NCKAP5: variants seen among roughly 807,000 people sequenced by gnomAD.
NCKAP5 encodes nck-associated protein 5.
In NCKAP5, 92 loss-of-function variants were observed where a neutral mutation model predicts 167.0. That is an observed-to-expected ratio of 0.55 (90% confidence interval 0.47 to 0.66). The LOEUF is 0.66. Ranked by LOEUF, NCKAP5 falls within the 30% of genes least tolerant of loss-of-function variation. The probability of loss-of-function intolerance (pLI) is 0.00; values close to 1 mark genes in which losing one functional copy is unlikely to be tolerated. For synonymous variants in NCKAP5, 891 were observed against 877.4 expected, an observed-to-expected ratio of 1.02 and a Z score of -0.27; for missense variants, 2,378 against 2,315.0, an observed-to-expected ratio of 1.03 and a Z score of -0.56.
intron 8 of NCKAP5, among the ~76,000 whole-genome samples, chr2:132,879,169 A>C (rs1489893289): frequency 6.6e-6 from 1 of 152,208 alleles, no homozygotes; most frequent in East Asian, 1.9e-4. Context: ...AGAAAATCAA[A>C]TCATGGTTTG....
chr2:133,588,354 C>T, the NCKAP5 span, among the ~76,000 whole-genome samples: 509 of 136,196 alleles, frequency 3.7e-3, 7 homozygotes, highest in African/African-American at 0.013. Context: ...CCCTTCCTTC[C>T]TCCCTTCCCT....
intron 5 of NCKAP5, among the ~76,000 whole-genome samples, chr2:133,200,048 T>C (rs1307858694): frequency 1.5e-5 from 2 of 135,576 alleles, no homozygotes; most frequent in Non-Finnish European, 3.2e-5. Context: ...CCCAGTTGGC[T>C]TTTTTTTTCT....
chr2:133,206,069 G>C (rs2085938786), intron 5 of NCKAP5, among the ~76,000 whole-genome samples: 1 of 152,092 alleles, frequency 6.6e-6, no homozygotes, highest in South Asian at 2.1e-4. Context: ...AGGATCAGAA[G>C]TACAACAATA....
chr2:133,187,306 C>A (rs761465560), intron 5 of NCKAP5, among the ~76,000 whole-genome samples: 1 of 152,000 alleles, frequency 6.6e-6, no homozygotes, highest in Non-Finnish European at 1.5e-5. Flanking sequence ...GTACTGTGTT[C>A]TGAGAGTGAG....
At chr2:132,777,159 T>A (rs1214543557) in intron 15 of NCKAP5, among the ~76,000 whole-genome samples, 1 of 152,220 alleles carries the variant, frequency 6.6e-6, no homozygotes, top group East Asian at 1.9e-4. Flanking sequence ...TGTCTTCTAA[T>A]GATTTATCTC....
rs112270867 is a variant in NCKAP5 at position 133,564,708 on chromosome 2, G to A, written c.-130+3508C>T. On this transcript the variant is annotated intron_variant, in intron 1 of 19. Transcript: ENST00000409261. ...AAGGATTTCAGAATGCAGGACCGCA[G>A]TCTTCTCTCTTAAGTAGGGAGGGAG... 1.8e-3 allele frequency among the ~76,000 whole-genome samples: 280 copies of A among 152,262 alleles called. 2 individuals are homozygous for A. Among genetic ancestry groups the A allele is most frequent in the African/African-American group, 6.5e-3 (268 of 41,532 alleles).
Position 132,781,172 on chromosome 2 carries a change from C to A in NCKAP5, c.4929G>T (p.Arg1643Ser). 3 of 1,613,838 alleles carry A rather than the reference C, an allele frequency of 1.9e-6. No individual in the cohort carries two copies. The highest frequency in any genetic ancestry group is 2.2e-5 in the East Asian group (1 of 44,870). The change falls in exon 15 of 20, where the codon AGG becomes AGT. Residue 1643 changes from arginine (R) to serine (S), a missense_variant. Around this residue, in one of 3 missense-constraint regions of NCKAP5, gnomAD observed 1,325 missense variants for 1,274.5 expected, o/e 1.04. Transcript: ENST00000409261. The stretch of plus-strand genomic sequence containing the variant: ...CCTGAGAACTGCCCTTTAACACATT[C>A]CTGCAGGAAGCATTACTTGATCCAC... ...TESGSSNASC[R>S]NVLKGSSQGS...
intron 6 of NCKAP5, among the ~76,000 whole-genome samples, chr2:133,080,487 A>T (rs2080764718): frequency 6.6e-6 from 1 of 152,202 alleles, no homozygotes; most frequent in African/African-American, 2.4e-5. Flanking sequence ...ATTGGAACAC[A>T]GCCAACCCGT....
rs537499131 is a variant in NCKAP5 at position 132,936,275 on chromosome 2, C to A, written c.579+27445G>T. Among the ~76,000 whole-genome samples, 3 of 152,260 alleles carry A rather than the reference C, an allele frequency of 2.0e-5. No homozygotes were observed. In the East Asian group the frequency reaches 5.8e-4, roughly 29 times the overall value. On this transcript the variant is annotated intron_variant, in intron 8 of 19. Transcript: ENST00000409261. Reference sequence around the variant, plus strand: ...GAGATTACAGGCATGAGCCACTGCACCCAGACTGGAATATTTTCTATATAA... The same window carrying A: ...GAGATTACAGGCATGAGCCACTGCAACCAGACTGGAATATTTTCTATATAA...
At chr2:132,726,693 T>C (rs1278542069) in intron 18 of NCKAP5, among the ~76,000 whole-genome samples, 1 of 152,226 alleles carries the variant, frequency 6.6e-6, no homozygotes, top group East Asian at 1.9e-4. Context: ...GTAAACTCGC[T>C]TATCTGGGGT....
At chr2:132,806,436 C>T (rs1205143624) in intron 11 of NCKAP5, among the ~76,000 whole-genome samples, 1 of 151,572 alleles carries the variant, frequency 6.6e-6, no homozygotes, top group African/African-American at 2.4e-5. Context: ...TCTGACATCT[C>T]CTGTTTTTTT....
At chr2:132,812,706 T>A (rs1019653945) in intron 11 of NCKAP5, among the ~76,000 whole-genome samples, 2 of 152,190 alleles carry the variant, frequency 1.3e-5, no homozygotes, top group Admixed American at 1.3e-4. Context: ...GGGGGCTGTC[T>A]TAGTCTTTTC....
At chr2:132,972,964 G>A (rs996320833) in intron 7 of NCKAP5, among the ~76,000 whole-genome samples, 1 of 151,986 alleles carries the variant, frequency 6.6e-6, no homozygotes, top group Non-Finnish European at 1.5e-5. Context: ...CCCAAATGAG[G>A]TAGAAAAGTG....
chr2:133,301,010 G>A (rs1680352446), intron 4 of NCKAP5, among the ~76,000 whole-genome samples: 1 of 100,800 alleles, frequency 9.9e-6, no homozygotes, highest in Admixed American at 1.1e-4. Context: ...GCCAAAGCAT[G>A]GGTGAACTCC....
chr2:132,808,284 G>A (rs962061235), intron 11 of NCKAP5, among the ~76,000 whole-genome samples: 4 of 152,080 alleles, frequency 2.6e-5, no homozygotes, highest in Non-Finnish European at 4.4e-5. Context: ...TAATGAATTA[G>A]GGAAGGTTCC....
Position 132,785,226 on chromosome 2 carries a change from AAAC to A in NCKAP5, c.1582_1584del (p.Val528del). 6.4e-7 allele frequency: 1 copy of A among 1,572,202 alleles called. No homozygotes were observed. Among genetic ancestry groups the A allele is most frequent in the African/African-American group, 1.4e-5 (1 of 73,400 alleles). ...AGCTTTTCAGGCCTTTCCTTGGGAT[AAAC>A]TGAGGATGTGCCTTCCAGAAAGTGT... On this transcript the variant is annotated inframe_deletion, in exon 14 of 20. Transcript: ENST00000409261.
chr2:133,628,065 C>A, the NCKAP5 span, among the ~76,000 whole-genome samples: 1 of 152,142 alleles, frequency 6.6e-6, no homozygotes, highest in African/African-American at 2.4e-5. Context: ...TGTAAGTATT[C>A]CTCTTGAAAA....
chr2:132,815,203 C>CA (rs1474333166), intron 11 of NCKAP5, among the ~76,000 whole-genome samples: 2 of 151,982 alleles, frequency 1.3e-5, no homozygotes, highest in African/African-American at 2.4e-5. Flanking sequence ...CATATTATAC[C>CA]ATGTGCAGTA....
intron 6 of NCKAP5, among the ~76,000 whole-genome samples, chr2:133,035,834 C>T (rs908598513): frequency 8.6e-5 from 13 of 151,354 alleles, no homozygotes; most frequent in African/African-American, 1.2e-4. Flanking sequence ...TAATGAAGAT[C>T]GGAACAGAAA....
Sources: gnomAD v4.1 joint callset for allele counts (sites outside exome capture counted in the v4.1 genomes callset) on GRCh38, gnomAD v4.1.1 for gene constraint, gnomAD v4.1.1 regional missense constraint, MANE v1.5 for transcripts, NCBI Gene and HGNC (gene_info 2026-07-23, HGNC 2026-07-21) for gene names.